DNAJC6: variants seen among roughly 807,000 people sequenced by gnomAD.
DNAJC6 encodes the protein DnaJ heat shock protein family (Hsp40) member C6, also known as auxilin.
DNAJC6 carries 34 observed loss-of-function variants against 110.0 expected under a neutral mutation model. The ratio of observed to expected loss-of-function variants is 0.31; its 90% confidence interval spans 0.24 to 0.41. The LOEUF is 0.41. Among genes scored for constraint, DNAJC6 ranks in the 10% least tolerant of loss-of-function variants. The pLI is 1.00. For synonymous variants in DNAJC6, 406 were observed against 437.2 expected (o/e 0.93, Z 0.89); for missense variants, 1,031 against 1,207.8 (o/e 0.85, Z 2.17).
At chr1:65,403,849 C>T (rs938332877) in intron 15 of DNAJC6, among the ~76,000 whole-genome samples, 33 of 152,248 alleles carry the variant, frequency 2.2e-4, no homozygotes, top group Admixed American at 1.2e-3. Context: ...CCCATGAGTG[C>T]GGGGTCAGCG....
At chr1:65,350,106 A>T (rs1198278463) in intron 1 of DNAJC6, among the ~76,000 whole-genome samples, 1 of 152,178 alleles carries the variant, frequency 6.6e-6, no homozygotes, top group African/African-American at 2.4e-5. Context: ...AATATTGGAA[A>T]TAAAATAGTT....
intron 6 of DNAJC6, among the ~76,000 whole-genome samples, chr1:65,384,926 T>C (rs543495578): frequency 8.0e-4 from 122 of 152,344 alleles, no homozygotes; most frequent in Non-Finnish European, 1.5e-3. Flanking sequence ...AGAATACTTA[T>C]ATCCAACTTC....
chr1:65,401,629 A>T, intron 14 of DNAJC6, 132 bp from the exon 15 acceptor site: 1 of 1,289,350 alleles, frequency 7.8e-7, no homozygotes, highest in Non-Finnish European at 1.0e-6. Flanking sequence ...AGGGTCTAGC[A>T]ACTTCTTAGA....
intron 1 of DNAJC6, chr1:65,278,891 A>T (rs1425760500): frequency 1.1e-6 from 1 of 892,806 alleles, no homozygotes; most frequent in Non-Finnish European, 1.3e-6. Context: ...ATGCGCTAAC[A>T]TTGGAGCTGG....
At chr1:65,384,368 A>G (rs761334339) in intron 6 of DNAJC6, 42 bp downstream of exon 6, 2 of 1,455,080 alleles carry the variant, frequency 1.4e-6, no homozygotes, top group East Asian at 5.2e-5. Flanking sequence ...ATGTAGTCTA[A>G]TTGGTATCAT....
At chr1:65,383,762 G>T (rs951257654) in intron 5 of DNAJC6, among the ~76,000 whole-genome samples, 3 of 152,154 alleles carry the variant, frequency 2.0e-5, no homozygotes, top group Non-Finnish European at 4.4e-5. Context: ...TCTGGTGAAG[G>T]TTCTTTATTT....
At chr1:65,356,799 C>G (rs764021078) in intron 1 of DNAJC6, among the ~76,000 whole-genome samples, 1 of 151,952 alleles carries the variant, frequency 6.6e-6, no homozygotes, top group African/African-American at 2.4e-5. Context: ...AAATGACATA[C>G]TCAAGGTCAC....
intron 11 of DNAJC6, among the ~76,000 whole-genome samples, chr1:65,390,279 C>G (rs929293678): frequency 1.3e-5 from 2 of 152,178 alleles, no homozygotes; most frequent in African/African-American, 4.8e-5. Flanking sequence ...CCGCTGTCAA[C>G]TAAATATTAT....
Position 65,370,783 on chromosome 1 carries a change from T to C in DNAJC6, c.543+4587T>C, listed in dbSNP as rs188013204. On this transcript the variant is annotated intron_variant, in intron 4 of 18. Coordinates refer to ENST00000371069, the MANE Select transcript of DNAJC6 (RefSeq NM_001256864.2). Reference sequence around the variant, plus strand: ...TGGGAACAATTTGATTTTTGGAAAATGTATTATCAACTTGGGTGTCTTAAA... The same window carrying C: ...TGGGAACAATTTGATTTTTGGAAAACGTATTATCAACTTGGGTGTCTTAAA... Among the ~76,000 whole-genome samples the C allele has an allele frequency of 4.3e-4, 66 of 152,292 alleles. 1 individual carries two copies. The East Asian group carries it at 0.012, about 27-fold the overall frequency.
At chr1:65,343,609 G>GT (rs1457013035) in intron 1 of DNAJC6, among the ~76,000 whole-genome samples, 7 of 152,088 alleles carry the variant, frequency 4.6e-5, no homozygotes, top group African/African-American at 1.7e-4. Context: ...TGCAGTGCTT[G>GT]TGTTCAAGTG....
rs569436661 is a variant in DNAJC6, at chr1:65,384,978, G to A, written c.800+652G>A. 2.1e-4 allele frequency among the ~76,000 whole-genome samples: 32 copies of A among 152,336 alleles called. 1 individual carries two copies. The South Asian group carries it at 6.4e-3, about 31-fold the overall frequency. On this transcript the variant is annotated intron_variant, in intron 6 of 18. Transcript: ENST00000371069. ...AGGAAACTGGGACTCAAGACAGGTTGTGATTTGCCTCAGGTCTAATGCCCA... is the reference window on the plus strand; with the variant it reads ...AGGAAACTGGGACTCAAGACAGGTTATGATTTGCCTCAGGTCTAATGCCCA...
chr1:65,399,992 G>GC, intron 14 of DNAJC6, among the ~76,000 whole-genome samples: 1 of 152,148 alleles, frequency 6.6e-6, no homozygotes, highest in Non-Finnish European at 1.5e-5. Context: ...ACCAGTCCGG[G>GC]CAACATGGCA....
chr1:65,380,059 C>G (rs1178744000), intron 5 of DNAJC6, among the ~76,000 whole-genome samples: 1 of 152,164 alleles, frequency 6.6e-6, no homozygotes, highest in Non-Finnish European at 1.5e-5. Flanking sequence ...CTTTACAACT[C>G]AACTTTCAGT....
chr1:65,382,735 TG>T (rs1645834104), intron 5 of DNAJC6, among the ~76,000 whole-genome samples: 1 of 152,252 alleles, frequency 6.6e-6, no homozygotes, highest in African/African-American at 2.4e-5. Flanking sequence ...AAAAGCATAG[TG>T]TCCAGAATAA....
At chr1:65,312,243 T>C (rs947096820) in intron 1 of DNAJC6, among the ~76,000 whole-genome samples, 71 of 152,332 alleles carry the variant, frequency 4.7e-4, no homozygotes, top group Middle Eastern at 6.8e-3. Flanking sequence ...TAGGGGAATA[T>C]TGTGGCTTTG....
chr1:65,376,455 C>T (rs1168474879), intron 4 of DNAJC6, among the ~76,000 whole-genome samples: 1 of 151,258 alleles, frequency 6.6e-6, no homozygotes, highest in Non-Finnish European at 1.5e-5. Flanking sequence ...CTTGCTTTTC[C>T]AGTTCCTTGA....
chr1:65,395,142 T>TCA (rs1482584357), intron 13 of DNAJC6, 110 bp downstream of exon 13: 7 of 1,171,298 alleles, frequency 6.0e-6, no homozygotes, highest in Non-Finnish European at 8.1e-6. Context: ...AAAAGCTTCC[T>TCA]CACACATCTC....
At chr1:65,292,353 A>G (rs7527768) in intron 1 of DNAJC6, among the ~76,000 whole-genome samples, 93,277 of 145,522 alleles carry the variant, frequency 0.64, 30,045 homozygotes, top group East Asian at 0.79. Context: ...TTTAATGAAT[A>G]TTACGCTTTT....
intron 1 of DNAJC6, among the ~76,000 whole-genome samples, chr1:65,318,361 C>T (rs1026157493): frequency 6.6e-6 from 1 of 151,928 alleles, no homozygotes. Flanking sequence ...ATGCCTACGG[C>T]CTACAAAAGT....
Sources: allele counts gnomAD v4.1 joint callset (sites outside exome capture counted in the v4.1 genomes callset), GRCh38; gene constraint gnomAD v4.1.1; transcripts MANE v1.5; gene names NCBI Gene and HGNC (gene_info 2026-07-23, HGNC 2026-07-21).